TMEM71: variants seen among roughly 807,000 people sequenced by gnomAD.
The protein encoded by TMEM71 is transmembrane protein 71.
TMEM71 carries 44 observed loss-of-function variants against 38.0 expected under a neutral mutation model. That is an observed-to-expected ratio of 1.16 (90% confidence interval 0.91 to 1.49). TMEM71 has a LOEUF of 1.49. Among genes scored for constraint, TMEM71 ranks in the 40% most tolerant of loss-of-function variants. TMEM71 has a pLI of 0.00. For missense variants in TMEM71, 367 were observed against 348.6 expected, an observed-to-expected ratio of 1.05 and a Z score of -0.42; for synonymous variants, 133 against 122.5, an observed-to-expected ratio of 1.09 and a Z score of -0.56.
chr8:132,719,048 C>T lies in TMEM71; in HGVS notation c.752+2992G>A, dbSNP rs547911004. Among the ~76,000 whole-genome samples the T allele has an allele frequency of 5.8e-4, 88 of 152,260 alleles. 2 individuals are homozygous for T. The East Asian group carries it at 8.1e-3, about 14-fold the overall frequency. ...TAAAACTGTTATTCTAAAATGAGCT[C>T]TAACATAAATACAGCAAAGCCTATA... On this transcript the variant is annotated intron_variant, in intron 7 of 9. Transcript: ENST00000677595.
At chr8:132,749,825 C>T (rs1235994078) in intron 4 of TMEM71, among the ~76,000 whole-genome samples, 1 of 151,914 alleles carries the variant, frequency 6.6e-6, no homozygotes, top group East Asian at 1.9e-4. Context: ...ACCATCCTGG[C>T]CAACATGGCG....
At chr8:132,766,553 A>G in the TMEM71 span, among the ~76,000 whole-genome samples, 1 of 152,132 alleles carries the variant, frequency 6.6e-6, no homozygotes, top group Admixed American at 6.5e-5. Flanking sequence ...CAATCCCAGC[A>G]TCTTGGGAGG....
At chr8:132,755,840 A>G (rs1197874211) in intron 3 of TMEM71, among the ~76,000 whole-genome samples, 1 of 152,186 alleles carries the variant, frequency 6.6e-6, no homozygotes, top group Non-Finnish European at 1.5e-5. Context: ...ACAAATCTCT[A>G]CAAGCTAAGT....
At chr8:132,763,201 C>A (rs979466964), upstream of TMEM71, among the ~76,000 whole-genome samples, 8 of 152,282 alleles carry the variant, frequency 5.3e-5, no homozygotes, top group Non-Finnish European at 1.0e-4. Context: ...CTTTATTCTT[C>A]TCCTTAGCAC....
At chr8:132,714,701 A>G (rs1304463706) in intron 7 of TMEM71, among the ~76,000 whole-genome samples, 1 of 152,240 alleles carries the variant, frequency 6.6e-6, no homozygotes, top group Non-Finnish European at 1.5e-5. Context: ...AAAGAAGAGA[A>G]AGGAATAATT....
At chr8:132,718,394 T>TTC (rs1337382434) in intron 7 of TMEM71, among the ~76,000 whole-genome samples, 2 of 128,784 alleles carry the variant, frequency 1.6e-5, no homozygotes, top group Non-Finnish European at 3.1e-5. Flanking sequence ...CCTGGGGATT[T>TTC]TCTCTTTTTT....
Position 132,722,101 on chromosome 8 carries a change from G to T in TMEM71, c.691C>A (p.Gln231Lys), listed in dbSNP as rs529129801. 9.3e-6 allele frequency: 15 copies of T among 1,612,970 alleles called. No individual in the cohort carries two copies. In the African/African-American group the frequency reaches 1.1e-4, roughly 11 times the overall value. ...SSDHSETRLLQEVFFQAILLA... is the reference protein window; with the variant it reads ...SSDHSETRLLKEVFFQAILLA... ...AGGATTGCCTGAAAGAAGACCTCTTGCAACAACCTGGTTTCTAATAGGAAG... is the reference window on the plus strand; with the variant it reads ...AGGATTGCCTGAAAGAAGACCTCTTTCAACAACCTGGTTTCTAATAGGAAG... Residue 231 changes from glutamine (Q) to lysine (K), a missense_variant, in exon 7 of 10, where the codon CAA becomes AAA. Transcript: ENST00000677595.
At chr8:132,775,168 T>C in the TMEM71 span, among the ~76,000 whole-genome samples, 4 of 152,176 alleles carry the variant, frequency 2.6e-5, no homozygotes, top group Non-Finnish European at 5.9e-5. Context: ...GTCAAATACT[T>C]CACAACTACC....
chr8:132,735,119 C>T (rs550944836), intron 5 of TMEM71, among the ~76,000 whole-genome samples: 2 of 152,322 alleles, frequency 1.3e-5, no homozygotes, highest in Non-Finnish European at 2.9e-5. Context: ...TGCGTGAATC[C>T]TCTGCTCTCT....
intron 7 of TMEM71, among the ~76,000 whole-genome samples, chr8:132,720,318 C>T (rs141329393): frequency 6.6e-6 from 1 of 152,236 alleles, no homozygotes; most frequent in African/African-American, 2.4e-5. Flanking sequence ...GGAGTATCCA[C>T]AAACATTAAC....
At chr8:132,765,257 G>A (rs201123056), upstream of TMEM71, among the ~76,000 whole-genome samples, 53 of 152,326 alleles carry the variant, frequency 3.5e-4, no homozygotes, top group East Asian at 3.5e-3. Context: ...AGCTGAAGCT[G>A]TGTGTATTTT....
chr8:132,725,032 CTTTTCTTTT>C (rs911177806), intron 6 of TMEM71, among the ~76,000 whole-genome samples: 3 of 147,874 alleles, frequency 2.0e-5, no homozygotes, highest in East Asian at 2.1e-4. Context: ...CTTTTCTTTT[CTTTTCTTTT>C]TTTTCTTTTT....
chr8:132,741,631 C>A (rs556188281), intron 5 of TMEM71, among the ~76,000 whole-genome samples: 1 of 151,828 alleles, frequency 6.6e-6, no homozygotes, highest in Non-Finnish European at 1.5e-5. Context: ...AAGAGAAAGA[C>A]AGCTTATGCC....
rs930334571 is a variant in TMEM71 at position 132,714,328 on chromosome 8, G to A, written c.753-113C>T. 3.7e-6 allele frequency: 3 copies of A among 809,960 alleles called. No homozygotes were observed. In the African/African-American group the frequency reaches 5.1e-5, roughly 14 times the overall value. The allele number at this position is 809,960 out of a possible 1,614,324, so 50.2% of individuals were successfully genotyped here. On this transcript the variant is annotated intron_variant, in intron 7 of 9. Transcript: ENST00000677595. ...TTTCAAGGTTTACTATGAAACTACA[G>A]TAATAAAGACAGTGGTATTGGAAAA...
At chr8:132,769,387 T>G in the TMEM71 span, among the ~76,000 whole-genome samples, 1 of 152,244 alleles carries the variant, frequency 6.6e-6, no homozygotes, top group Non-Finnish European at 1.5e-5. Flanking sequence ...AAGTCAACTT[T>G]GAATGGGTAT....
intron 4 of TMEM71, among the ~76,000 whole-genome samples, chr8:132,747,353 T>G (rs938170303): frequency 6.6e-6 from 1 of 152,212 alleles, no homozygotes; most frequent in Non-Finnish European, 1.5e-5. Context: ...AAGAAAGAAA[T>G]AATAATGCAC....
chr8:132,724,543 T>G (rs1827029649), intron 6 of TMEM71, among the ~76,000 whole-genome samples: 1 of 152,192 alleles, frequency 6.6e-6, no homozygotes, highest in South Asian at 2.1e-4. Flanking sequence ...CTTCCCTTGT[T>G]CCCTAAAATC....
chr8:132,757,314 A>G lies in TMEM71; in HGVS notation c.41-20T>C. The stretch of plus-strand genomic sequence containing the variant: ...AAGAACCTGCATAAACAAATGAGAG[A>G]GAAGTAGAATGTATCATACCTGATC... On this transcript the variant is annotated intron_variant, in intron 2 of 9. Coordinates refer to ENST00000677595, the MANE Select transcript of TMEM71 (RefSeq NM_001382403.1). The G allele has an allele frequency of 1.3e-6, 2 of 1,583,078 alleles. No individual in the cohort carries two copies. The highest frequency in any genetic ancestry group is 1.7e-6 in the Non-Finnish European group (2 of 1,153,174).
chr8:132,745,968 G>T (rs2553614), intron 5 of TMEM71, among the ~76,000 whole-genome samples: 50,792 of 146,648 alleles, frequency 0.35, 10,099 homozygotes, highest in South Asian at 0.5. Flanking sequence ...TTAAACAGTG[G>T]ATATTCATGA....
Sources: gnomAD v4.1 joint callset for allele counts (sites outside exome capture counted in the v4.1 genomes callset) on GRCh38, gnomAD v4.1.1 for gene constraint, MANE v1.5 for transcripts, NCBI Gene and HGNC (gene_info 2026-07-23, HGNC 2026-07-21) for gene names.